Variants in PDE3A observed in about 807,000 individuals in gnomAD.
PDE3A encodes cGMP-inhibited 3',5'-cyclic phosphodiesterase 3A.
A neutral mutation model predicts 98.3 loss-of-function variants in PDE3A; 43 were observed. That is an observed-to-expected ratio of 0.44 (90% CI 0.34 to 0.56). The LOEUF (loss-of-function observed/expected upper bound fraction) is 0.56. PDE3A is among the 20% of genes least tolerant of loss of function. The pLI, the probability that PDE3A is intolerant of heterozygous loss-of-function variation, is 0.01. For missense variants in PDE3A, 1,427 were observed against 1,440.7 expected, an observed-to-expected ratio of 0.99 and a Z score of 0.15; for synonymous variants, 663 against 567.9, an observed-to-expected ratio of 1.17 and a Z score of -2.38.
At chr12:20,501,836 A>G (rs980384954) in intron 1 of PDE3A, among the ~76,000 whole-genome samples, 10 of 152,298 alleles carry the variant, frequency 6.6e-5, no homozygotes, top group Middle Eastern at 3.4e-3. Context: ...TGATGTATCA[A>G]TTTAGCACAT....
At chr12:20,386,160 TATAA>T (rs1943788975) in intron 1 of PDE3A, among the ~76,000 whole-genome samples, 2 of 88,128 alleles carry the variant, frequency 2.3e-5, no homozygotes, top group African/African-American at 8.8e-5. Flanking sequence ...TATAAATATA[TATAA>T]ATATATAAAA....
chr12:20,531,185 A>G (rs1941589748), intron 1 of PDE3A, among the ~76,000 whole-genome samples: 1 of 152,222 alleles, frequency 6.6e-6, no homozygotes, highest in Non-Finnish European at 1.5e-5. Flanking sequence ...TACTAACCTC[A>G]GCAAAAGCTG....
rs189173584 is a variant in PDE3A at position 20,535,268 on chromosome 12, A to T, written c.961-21392A>T. On this transcript the variant is annotated intron_variant, in intron 1 of 15. Coordinates refer to ENST00000359062, the MANE Select transcript of PDE3A (RefSeq NM_000921.5). ...GTAATCTATACATACCTTAAAACCC[A>T]ACTCAAGCATTACATGCTTTCTTTA... is the stretch of plus-strand genomic sequence containing the variant. Among the ~76,000 whole-genome samples, 3 of 152,292 alleles carry T rather than the reference A, an allele frequency of 2.0e-5. No individual in the cohort carries two copies. The East Asian group carries it at 5.8e-4, about 29-fold the overall frequency.
intron 1 of PDE3A, among the ~76,000 whole-genome samples, chr12:20,513,725 C>T (rs545101051): frequency 6.6e-6 from 1 of 152,202 alleles, no homozygotes; most frequent in Admixed American, 6.6e-5. Context: ...GTAAGGACCA[C>T]ACAAGCAGTT....
intron 15 of PDE3A, among the ~76,000 whole-genome samples, chr12:20,656,064 A>G (rs930544437): frequency 6.6e-6 from 1 of 152,176 alleles, no homozygotes; most frequent in African/African-American, 2.4e-5. Context: ...CTAATAGCAT[A>G]ATTAGTAAAA....
intron 2 of PDE3A, among the ~76,000 whole-genome samples, chr12:20,565,155 C>T (rs951594285): frequency 3.3e-5 from 5 of 151,920 alleles, no homozygotes; most frequent in Non-Finnish European, 5.9e-5. Context: ...AAAATTAATG[C>T]AAGTATTTTG....
intron 1 of PDE3A, chr12:20,551,764 G>A: frequency 6.2e-7 from 1 of 1,613,552 alleles, no homozygotes. Context: ...GCGGCTGAGA[G>A]AGAGCAAGAA....
chr12:20,386,598 C>A (rs2120583986), intron 1 of PDE3A, among the ~76,000 whole-genome samples: 1 of 151,982 alleles, frequency 6.6e-6, no homozygotes, highest in East Asian at 1.9e-4. Flanking sequence ...GCCTTGGCCT[C>A]CCAAAATGTG....
At chr12:20,596,202 C>A (rs534292776) in intron 2 of PDE3A, among the ~76,000 whole-genome samples, 1 of 152,132 alleles carries the variant, frequency 6.6e-6, no homozygotes, top group South Asian at 2.1e-4. Context: ...AAGAAGAAAA[C>A]AAATCTATGA....
intron 1 of PDE3A, among the ~76,000 whole-genome samples, chr12:20,416,015 C>T (rs1444646): frequency 0.62 from 94,076 of 152,060 alleles, 30,848 homozygotes; most frequent in East Asian, 0.88. Flanking sequence ...ATCCTGAAGA[C>T]GTCGTTTTGG....
intron 4 of PDE3A, among the ~76,000 whole-genome samples, chr12:20,617,013 A>T (rs934566743): frequency 4.6e-5 from 7 of 152,220 alleles, no homozygotes; most frequent in African/African-American, 1.4e-4. Flanking sequence ...TTAGAGGGAG[A>T]TACTGTGTCC....
chr12:20,392,856 T>G (rs1423739977), intron 1 of PDE3A, among the ~76,000 whole-genome samples: 1 of 151,990 alleles, frequency 6.6e-6, no homozygotes, highest in Admixed American at 6.6e-5. Flanking sequence ...GGTCATTATG[T>G]TAGGGAAAAT....
chr12:20,646,716 TAAAAAC>T, intron 11 of PDE3A, 29 bp from the exon 12 acceptor site: 1 of 1,523,928 alleles, frequency 6.6e-7, no homozygotes, highest in Non-Finnish European at 9.1e-7. Context: ...AGTACTTTTT[TAAAAAC>T]TTCTTTGACT....
intron 15 of PDE3A, among the ~76,000 whole-genome samples, chr12:20,678,909 A>G (rs749403416): frequency 4.6e-5 from 7 of 152,192 alleles, no homozygotes; most frequent in Non-Finnish European, 8.8e-5. Flanking sequence ...GGAAGGGGGA[A>G]AAGTTCCCCC....
At position 20,458,704 on chromosome 12, in the gene PDE3A, C is replaced by G. The variant is rs1389139447; in HGVS notation, c.960+88460C>G. ...AGCCCCTCAGTTTTGCTCTACTTGT[C>G]TGGTAGATAGGAAGACAAGCTGTCC... On this transcript the variant is annotated intron_variant, in intron 1 of 15. Transcript: ENST00000359062. 2.0e-5 allele frequency among the ~76,000 whole-genome samples: 3 copies of G among 152,094 alleles called. No homozygotes were observed. The East Asian group carries it at 5.8e-4, about 29-fold the overall frequency.
intron 1 of PDE3A, among the ~76,000 whole-genome samples, chr12:20,512,559 T>G (rs1412706076): frequency 1.3e-5 from 2 of 152,104 alleles, no homozygotes; most frequent in Non-Finnish European, 2.9e-5. Flanking sequence ...TGTTATTGCT[T>G]GGGGTTTAGG....
chr12:20,550,800 T>C (rs1277480605), intron 1 of PDE3A, among the ~76,000 whole-genome samples: 1 of 152,014 alleles, frequency 6.6e-6, no homozygotes, highest in Non-Finnish European at 1.5e-5. Context: ...ACATTTCACA[T>C]GTTCTTTTTT....
chr12:20,423,842 G>A (rs1944562118), intron 1 of PDE3A, among the ~76,000 whole-genome samples: 1 of 151,954 alleles, frequency 6.6e-6, no homozygotes, highest in African/African-American at 2.4e-5. Context: ...CATATCCCAA[G>A]GTAAGGCTAC....
intron 1 of PDE3A, among the ~76,000 whole-genome samples, chr12:20,393,005 G>T (rs943919322): frequency 6.6e-6 from 1 of 151,844 alleles, no homozygotes; most frequent in African/African-American, 2.4e-5. Flanking sequence ...AAGACATTTG[G>T]TTAATGGATA....
Sources: allele counts gnomAD v4.1 joint callset (sites outside exome capture counted in the v4.1 genomes callset), GRCh38; gene constraint gnomAD v4.1.1; transcripts MANE v1.5; gene names NCBI Gene and HGNC (gene_info 2026-07-23, HGNC 2026-07-21).